Variants in PAFAH1B1 observed in about 807,000 individuals in gnomAD.
PAFAH1B1 encodes platelet activating factor acetylhydrolase 1b regulatory subunit 1.
PAFAH1B1 carries 2 observed loss-of-function variants against 57.5 expected under a neutral mutation model. The ratio of observed to expected loss-of-function variants is 0.03; its 90% confidence interval spans 0.01 to 0.11. The LOEUF is 0.11. Among genes scored for constraint, PAFAH1B1 ranks in the 10% least tolerant of loss-of-function variants. PAFAH1B1 has a pLI of 1.00. For missense variants in PAFAH1B1, 257 were observed against 512.0 expected (o/e 0.50, Z 4.81); for synonymous variants, 152 against 169.6 (o/e 0.90, Z 0.81).
intron 2 of PAFAH1B1, among the ~76,000 whole-genome samples, chr17:2,659,114 A>G (rs1437089163): frequency 6.6e-6 from 1 of 151,746 alleles, no homozygotes; most frequent in African/African-American, 2.4e-5. Flanking sequence ...AGCTGGGCCT[A>G]ATGGCACGTG....
chr17:2,597,796 G>GTGTGTC (rs1555520416), intron 1 of PAFAH1B1, among the ~76,000 whole-genome samples: 41 of 151,930 alleles, frequency 2.7e-4, no homozygotes, highest in East Asian at 2.5e-3. Flanking sequence ...GTGTGTGTGT[G>GTGTGTC]TGTCTGTCTG....
At chr17:2,599,802 T>C (rs2068119440) in intron 1 of PAFAH1B1, among the ~76,000 whole-genome samples, 1 of 152,154 alleles carries the variant, frequency 6.6e-6, no homozygotes. Context: ...GGGGCTCTTA[T>C]GTTGACAAGA....
chr17:2,662,189 C>A (rs1158572067), intron 2 of PAFAH1B1, among the ~76,000 whole-genome samples: 1 of 151,946 alleles, frequency 6.6e-6, no homozygotes, highest in Non-Finnish European at 1.5e-5. Flanking sequence ...CGAATGCTGG[C>A]ATTTTCATAA....
chr17:2,593,801 C>T lies in PAFAH1B1; in HGVS notation c.-396C>T, dbSNP rs1041395652. ...CGCGAGCGAGAGAAACCGCGAGCGC[C>T]GAGCTTGGACTCGAGCCCCGGAACG... On this transcript the variant is annotated 5_prime_UTR_variant, in exon 1 of 11. Transcript: ENST00000397195. The T allele has an allele frequency of 1.0e-5, 4 of 394,516 alleles. No homozygotes were observed. The highest frequency in any genetic ancestry group is 6.2e-5 in the African/African-American group (3 of 48,194). The allele number at this position is 394,516 out of a possible 1,614,324, so 24.4% of individuals were successfully genotyped here. A position where few individuals can be genotyped will look rare whatever the true frequency, so the allele number is the denominator to read the frequency against.
intron 1 of PAFAH1B1, among the ~76,000 whole-genome samples, chr17:2,626,205 G>A (rs2068486936): frequency 6.6e-6 from 1 of 151,370 alleles, no homozygotes; most frequent in East Asian, 2.0e-4. Flanking sequence ...AGTAAGCCGA[G>A]ATCACGCCAC....
intron 1 of PAFAH1B1, 134 bp downstream of exon 1, chr17:2,594,140 GC>G: frequency 7.6e-6 from 3 of 392,920 alleles, no homozygotes; most frequent in Non-Finnish European, 1.3e-5. Flanking sequence ...CCCTGCCTCC[GC>G]CGCCGCCTCC....
intron 1 of PAFAH1B1, among the ~76,000 whole-genome samples, chr17:2,610,772 A>G (rs754770859): frequency 7.2e-5 from 11 of 152,200 alleles, no homozygotes; most frequent in Non-Finnish European, 1.3e-4. Flanking sequence ...ATTATGTTGT[A>G]ATTATTATTA....
chr17:2,604,569 G>C (rs983580792), intron 1 of PAFAH1B1, among the ~76,000 whole-genome samples: 1 of 152,146 alleles, frequency 6.6e-6, no homozygotes, highest in Non-Finnish European at 1.5e-5. Context: ...CCAGCACTTC[G>C]AGAGGCTGAG....
At chr17:2,671,939 G>T (rs1302759407) in intron 6 of PAFAH1B1, among the ~76,000 whole-genome samples, 2 of 151,642 alleles carry the variant, frequency 1.3e-5, no homozygotes, top group Non-Finnish European at 2.9e-5. Flanking sequence ...CCCATTTTTT[G>T]TATCCATTTG....
chr17:2,638,402 T>A (rs2068651259), intron 2 of PAFAH1B1, 82 bp downstream of exon 2: 1 of 1,118,838 alleles, frequency 8.9e-7, no homozygotes, highest in African/African-American at 1.5e-5. Flanking sequence ...CTTTGGGAGG[T>A]CTCTTCTAAG....
At chr17:2,645,896 G>A (rs764559582) in intron 2 of PAFAH1B1, among the ~76,000 whole-genome samples, 7 of 151,744 alleles carry the variant, frequency 4.6e-5, no homozygotes, top group Non-Finnish European at 1.0e-4. Flanking sequence ...GAGCCACCAC[G>A]CCTGGCCAAA....
chr17:2,678,930 C>A (rs2069318690), intron 9 of PAFAH1B1, among the ~76,000 whole-genome samples: 1 of 152,148 alleles, frequency 6.6e-6, no homozygotes, highest in African/African-American at 2.4e-5. Context: ...ACTGCACTAT[C>A]CAGCGTGGTA....
chr17:2,679,073 A>T (rs1237788802), intron 9 of PAFAH1B1, among the ~76,000 whole-genome samples: 1 of 152,212 alleles, frequency 6.6e-6, no homozygotes, highest in Non-Finnish European at 1.5e-5. Context: ...ACCATGTTCA[A>T]CTGTGCAGTT....
chr17:2,643,885 T>C (rs2068730590), intron 2 of PAFAH1B1, among the ~76,000 whole-genome samples: 1 of 151,980 alleles, frequency 6.6e-6, no homozygotes, highest in South Asian at 2.1e-4. Flanking sequence ...TTGATGTTGT[T>C]AAAGACAGAT....
intron 1 of PAFAH1B1, among the ~76,000 whole-genome samples, chr17:2,634,239 C>T (rs1390514435): frequency 6.6e-6 from 1 of 152,116 alleles, no homozygotes; most frequent in East Asian, 1.9e-4. Flanking sequence ...CAGGTTCAAG[C>T]GATTCTCCTG....
chr17:2,613,320 G>C, intron 1 of PAFAH1B1: 1 of 228,632 alleles, frequency 4.4e-6, no homozygotes, highest in Non-Finnish European at 9.7e-6. Context: ...CCTGGAAGCA[G>C]AGCCAAGGTC....
intron 1 of PAFAH1B1, among the ~76,000 whole-genome samples, chr17:2,618,880 A>G (rs1405706332): frequency 1.4e-5 from 2 of 143,620 alleles, no homozygotes; most frequent in African/African-American, 5.1e-5. Flanking sequence ...ACTTGAACCC[A>G]GGAGGTGGAG....
intron 2 of PAFAH1B1, among the ~76,000 whole-genome samples, chr17:2,645,252 AAAAC>A (rs1402803896): frequency 2.6e-5 from 4 of 152,104 alleles, no homozygotes; most frequent in South Asian, 2.1e-4. Context: ...TCAAAAAACA[AAAAC>A]AAAAGTGTTC....
At chr17:2,643,571 T>TC (rs1343547890) in intron 2 of PAFAH1B1, among the ~76,000 whole-genome samples, 1 of 149,738 alleles carries the variant, frequency 6.7e-6, no homozygotes, top group East Asian at 2.0e-4. Context: ...TTTTTTCTCT[T>TC]CCCCCGGAGA....
Sources: gnomAD v4.1 joint callset for allele counts (sites outside exome capture counted in the v4.1 genomes callset) on GRCh38, gnomAD v4.1.1 for gene constraint, MANE v1.5 for transcripts, NCBI Gene and HGNC (gene_info 2026-07-23, HGNC 2026-07-21) for gene names.